The following ASMT variants were observed in gnomAD, a reference collection of about 807,000 sequenced individuals.
ASMT encodes the protein acetylserotonin N-methyltransferase.
Under a neutral mutation model 41.3 loss-of-function variants are expected in ASMT, and 53 were observed. The ratio of observed to expected loss-of-function variants is 1.28; its 90% CI spans 1.03 to 1.61. ASMT has a LOEUF of 1.61. Ranked by LOEUF, ASMT falls within the 40% of genes most tolerant of loss-of-function variation. The pLI, the probability that ASMT is intolerant of heterozygous loss-of-function variation, is 0.00. For synonymous variants in ASMT, 231 were observed against 184.8 expected (o/e 1.25, Z -2.03); for missense variants, 531 against 441.3 (o/e 1.20, Z -1.82).
chrX:1,634,374 C>T lies in ASMT; in HGVS notation c.787+1084C>T, dbSNP rs143932847. Among the ~76,000 whole-genome samples the T allele has an allele frequency of 1.4e-3, 209 of 152,270 alleles. 3 individuals are homozygous for T. The highest frequency in any genetic ancestry group is 3.4e-3 in the African/African-American group (141 of 41,562). Reference sequence around the variant, plus strand: ...ACTCACTGCCAGCCTGGAGAGCCTCCGCAATCCCTGACATCCAAGGATTTT... The same window carrying T: ...ACTCACTGCCAGCCTGGAGAGCCTCTGCAATCCCTGACATCCAAGGATTTT... On this transcript the variant is annotated intron_variant, in intron 7 of 8. Coordinates refer to ENST00000381241, the MANE Select transcript of ASMT (RefSeq NM_001171038.2).
At chrX:1,623,440 A>AT (rs1934410568) in intron 2 of ASMT, 127 bp downstream of exon 2, 1 of 1,245,996 alleles carries the variant, frequency 8.0e-7, no homozygotes, top group Admixed American at 2.0e-5. Context: ...ACTAAAAAAA[A>AT]TACAAAAAAT....
intron 3 of ASMT, among the ~76,000 whole-genome samples, chrX:1,625,165 C>A (rs28562798): frequency 6.8e-6 from 1 of 146,434 alleles, no homozygotes; most frequent in Non-Finnish European, 1.5e-5. Context: ...AGCGCAGTGG[C>A]GCCATCTCGG....
At chrX:1,620,874 CGA>C (rs1934313347) in intron 1 of ASMT, among the ~76,000 whole-genome samples, 3 of 150,324 alleles carry the variant, frequency 2.0e-5, no homozygotes, top group Admixed American at 1.3e-4. Context: ...GGCGACAGAG[CGA>C]GACTCTGTCT....
chrX:1,619,357 G>GCA lies in ASMT; in HGVS notation c.70-3780_70-3779dup, dbSNP rs1404599774. 4.0e-5 allele frequency among the ~76,000 whole-genome samples: 6 copies of GCA among 149,148 alleles called. No individual in the cohort carries two copies. In the East Asian group the frequency reaches 1.2e-3, roughly 29 times the overall value. Reference sequence around the variant, plus strand: ...TGCAGTGAGCCGAGATCACGCCACTGCACTCCAGCCTTGGGGGCAGAGCGG... The same window carrying GCA: ...TGCAGTGAGCCGAGATCACGCCACTGCACACTCCAGCCTTGGGGGCAGAGCGG... On this transcript the variant is annotated intron_variant, in intron 1 of 8. Transcript: ENST00000381241.
chrX:1,636,114 C>A, intron 7 of ASMT: 1 of 366,758 alleles, frequency 2.7e-6, no homozygotes, highest in South Asian at 2.2e-5. Flanking sequence ...CGCCATCACG[C>A]CCGGCTAATT....
At chrX:1,622,816 G>T (rs1934383407) in intron 1 of ASMT, among the ~76,000 whole-genome samples, 1 of 151,876 alleles carries the variant, frequency 6.6e-6, no homozygotes, top group Non-Finnish European at 1.5e-5. Flanking sequence ...GGAGGCTGAG[G>T]CAGGAGAATG....
intron 7 of ASMT, among the ~76,000 whole-genome samples, chrX:1,635,907 AT>A (rs200106270): frequency 2.0e-5 from 3 of 150,976 alleles, no homozygotes; most frequent in East Asian, 2.0e-4. Context: ...CCATATTATG[AT>A]TTTTTTTTAA....
chrX:1,615,089 T>G lies in ASMT; in HGVS notation c.-111T>G. The stretch of plus-strand genomic sequence containing the variant: ...AGTACTGGGCAGGCAGCAGGGAGAG[T>G]CAGGCAGCAGCTGTGAGCGGGTGGC... On this transcript the variant is annotated 5_prime_UTR_variant, in exon 1 of 9. Transcript: ENST00000381241. 1.1e-6 allele frequency: 1 copy of G among 879,796 alleles called. No homozygotes were observed. Among genetic ancestry groups the G allele is most frequent in the Non-Finnish European group, 1.9e-6 (1 of 533,654 alleles). 54.5% of individuals were successfully genotyped at this position (879,796 alleles called of 1,614,324 possible).
intron 1 of ASMT, among the ~76,000 whole-genome samples, chrX:1,618,217 G>A (rs776288003): frequency 5.3e-5 from 8 of 152,132 alleles, no homozygotes; most frequent in African/African-American, 1.9e-4. Flanking sequence ...AGGCTGGAGT[G>A]CAGTGGCATG....
chrX:1,642,901 G>A lies in ASMT; in HGVS notation c.1009G>A (p.Gly337Arg). ...YSLNMLVQTE[G>R]QERTPTHYHM... is the part of the protein sequence containing the mutation. ...TCTGAACATGCTTGTGCAGACGGAA[G>A]GGCAGGAGAGGACCCCCACCCACTA... The change falls in exon 9 of 9, where the codon GGG becomes AGG. Residue 337 changes from glycine to arginine, a missense_variant. Gly to Arg is a moderately radical substitution (Grantham distance 125, BLOSUM62 -2). Coordinates refer to ENST00000381241, the MANE Select transcript of ASMT (RefSeq NM_001171038.2). 1 of 1,613,994 alleles carries A rather than the reference G, an allele frequency of 6.2e-7. No homozygotes were observed. The highest frequency in any genetic ancestry group is 8.5e-7 in the Non-Finnish European group (1 of 1,179,872).
chrX:1,627,976 C>G, intron 4 of ASMT: 1 of 639,068 alleles, frequency 1.6e-6, no homozygotes, highest in Non-Finnish European at 2.8e-6. Flanking sequence ...GGAGGTGCAA[C>G]GTGACCCTTC....
chrX:1,625,339 C>T (rs1160527972), intron 3 of ASMT, among the ~76,000 whole-genome samples: 5 of 151,416 alleles, frequency 3.3e-5, no homozygotes, highest in Non-Finnish European at 7.4e-5. Flanking sequence ...CTCCTGACCT[C>T]GTGATCTGCC....
chrX:1,620,224 G>T (rs1443719368), intron 1 of ASMT, among the ~76,000 whole-genome samples: 2 of 143,086 alleles, frequency 1.4e-5, no homozygotes, highest in African/African-American at 2.6e-5. Context: ...CAGGCTGGAG[G>T]GCAGTGGCAT....
chrX:1,627,841 C>G, intron 4 of ASMT, 70 bp downstream of exon 4: 1 of 1,452,490 alleles, frequency 6.9e-7, no homozygotes, highest in African/African-American at 1.4e-5. Context: ...CTTAGGAAAC[C>G]CAATCCATTT....
intron 5 of ASMT, among the ~76,000 whole-genome samples, chrX:1,631,879 C>G (rs1471906066): frequency 6.6e-6 from 1 of 152,082 alleles, no homozygotes; most frequent in African/African-American, 2.4e-5. Flanking sequence ...GAAACCCGGT[C>G]TCTACTAAAA....
At chrX:1,631,139 C>T (rs1386625152) in intron 5 of ASMT, among the ~76,000 whole-genome samples, 7 of 151,474 alleles carry the variant, frequency 4.6e-5, no homozygotes, top group African/African-American at 1.7e-4. Context: ...TGGTCTCGAT[C>T]TCCTGACCTC....
At chrX:1,628,289 C>G (rs1292424134) in intron 4 of ASMT, among the ~76,000 whole-genome samples, 9 of 152,168 alleles carry the variant, frequency 5.9e-5, no homozygotes, top group African/African-American at 1.9e-4. Flanking sequence ...CCACTGCACT[C>G]CAGCCTGGGC....
chrX:1,616,933 C>T (rs1339390697), intron 1 of ASMT, among the ~76,000 whole-genome samples: 4 of 151,970 alleles, frequency 2.6e-5, no homozygotes, highest in Admixed American at 6.6e-5. Flanking sequence ...TGGTCTCGAT[C>T]TCCTGACCTC....
intron 5 of ASMT, among the ~76,000 whole-genome samples, chrX:1,632,317 G>C (rs1934804930): frequency 6.6e-6 from 1 of 152,084 alleles, no homozygotes; most frequent in Non-Finnish European, 1.5e-5. Flanking sequence ...GGGGCCTGTA[G>C]ACAATCACGT....
Sources: gnomAD v4.1 joint callset for allele counts (sites outside exome capture counted in the v4.1 genomes callset) on GRCh38, gnomAD v4.1.1 for gene constraint, MANE v1.5 for transcripts, NCBI Gene and HGNC (gene_info 2026-07-23, HGNC 2026-07-21) for gene names.